GATA6: variants seen among roughly 807,000 people sequenced by gnomAD.
GATA6 encodes transcription factor GATA-6.
In GATA6, 11 loss-of-function variants were observed where a neutral mutation model predicts 48.1. The ratio of observed to expected loss-of-function variants is 0.23; its 90% CI spans 0.14 to 0.38. The LOEUF (loss-of-function observed/expected upper bound fraction) is 0.38, where lower values mean the gene tolerates loss of function less well. GATA6 is among the 10% of genes least tolerant of loss of function. The pLI, the probability that GATA6 is intolerant of heterozygous loss-of-function variation, is 1.00. For synonymous variants in GATA6, 419 were observed against 396.1 expected, an observed-to-expected ratio of 1.06 and a Z score of -0.69; for missense variants, 795 against 850.3, an observed-to-expected ratio of 0.93 and a Z score of 0.81.
At chr18:22,174,728 ATTTT>A (rs35173458) in intron 2 of GATA6, among the ~76,000 whole-genome samples, 1 of 143,284 alleles carries the variant, frequency 7.0e-6, no homozygotes, top group Admixed American at 7.0e-5. Flanking sequence ...TGTTTCTTAG[ATTTT>A]TTTTTTTTTT....
At position 22,181,557 on chromosome 18, in the gene GATA6, A is replaced by G; in HGVS notation, c.1407A>G (p.Gly469=). 6.2e-7 allele frequency: 1 copy of G among 1,614,108 alleles called. No homozygotes were observed. Among genetic ancestry groups the G allele is most frequent in the African/African-American group, 1.3e-5 (1 of 75,018 alleles). ...GTGAACCCGTGTGCAATGCTTGTGG[A>G]CTCTACATGAAACTCCATGGGGTAT... ...AEGEPVCNAC[G]LYMKLHGVPR... is the part of the protein sequence containing the mutation. The change falls in exon 4 of 7, where the codon GGA becomes GGG. Residue 469 remains glycine (G), a synonymous_variant. Transcript: ENST00000269216.
chr18:22,200,834 C>T lies in GATA6; in HGVS notation c.*11C>T. ...CTGGCCCTGGCCTGAGCCCACGCCG[C>T]CAGGAGGCAGGGAGGGCTCCGCCGC... On this transcript the variant is annotated 3_prime_UTR_variant, in exon 7 of 7. Coordinates refer to ENST00000269216, the MANE Select transcript of GATA6 (RefSeq NM_005257.6). 2 of 1,604,460 alleles carry T rather than the reference C, an allele frequency of 1.2e-6. No homozygotes were observed. The highest frequency in any genetic ancestry group is 1.7e-6 in the Non-Finnish European group (2 of 1,175,320).
intron 2 of GATA6, among the ~76,000 whole-genome samples, chr18:22,174,285 AT>A (rs1250468295): frequency 6.6e-6 from 1 of 152,144 alleles, no homozygotes; most frequent in Non-Finnish European, 1.5e-5. Context: ...CCTTAGCCTG[AT>A]CTCCAGGTTC....
intron 4 of GATA6, among the ~76,000 whole-genome samples, chr18:22,181,848 GAC>G (rs952652028): frequency 3.3e-5 from 5 of 152,112 alleles, no homozygotes; most frequent in Admixed American, 2.0e-4. Flanking sequence ...GTTCATTTAA[GAC>G]ACATTCCAGT....
In GATA6 at chr18:22,171,091, C is replaced by A. The variant is rs2033031159; in HGVS notation, c.-37-17C>A. On this transcript the variant is annotated splice_polypyrimidine_tract_variant and intron_variant, in intron 1 of 6. Coordinates refer to ENST00000269216, the MANE Select transcript of GATA6 (RefSeq NM_005257.6). The surrounding 1 kb of genome is among the most constrained non-coding windows in gnomAD (Gnocchi z 7.1). ...CGTCGATCTCCTACCATACCCGTCT[C>A]CCCCACCCCACCTCAGGAGCTAGAC... is the stretch of plus-strand genomic sequence containing the variant. 2 of 1,520,232 alleles carry A rather than the reference C, an allele frequency of 1.3e-6. No individual in the cohort carries two copies. Among genetic ancestry groups the A allele is most frequent in the South Asian group, 1.1e-5 (1 of 87,978 alleles). 94.2% of individuals were successfully genotyped at this position (1,520,232 alleles called of 1,614,324 possible). A position where few individuals can be genotyped will look rare whatever the true frequency, so the allele number is the denominator to read the frequency against.
chr18:22,176,750 A>G, intron 2 of GATA6: 1 of 573,040 alleles, frequency 1.7e-6, no homozygotes, highest in Non-Finnish European at 3.0e-6. Context: ...CCGGGTGTGC[A>G]GAAGTATTGG....
Position 22,171,066 on chromosome 18 carries a change from C to T in GATA6, c.-37-42C>T. On this transcript the variant is annotated intron_variant, in intron 1 of 6. Transcript: ENST00000269216. This position sits in a 1 kb window ranked among gnomAD's most constrained non-coding sequence, Gnocchi z 7.1. ...CGTGCAGCCTACGCTCTTGTTAACC[C>T]GTCGATCTCCTACCATACCCGTCTC... is the stretch of plus-strand genomic sequence containing the variant. 6 of 1,264,152 alleles carry T rather than the reference C, an allele frequency of 4.7e-6. No homozygotes were observed. Among genetic ancestry groups the T allele is most frequent in the Non-Finnish European group, 5.6e-6 (5 of 887,184 alleles). The allele number at this position is 1,264,152 out of a possible 1,614,324, so 78.3% of individuals were successfully genotyped here.
rs956444523 is a variant in GATA6, at chr18:22,176,917, G to A, written c.1136-38G>A. Reference sequence around the variant, plus strand: ...TGACGCGGGGAGGGACGGGTCCGGCGCGCCCACTCCCGCCCTCACGCACCG... The same window carrying A: ...TGACGCGGGGAGGGACGGGTCCGGCACGCCCACTCCCGCCCTCACGCACCG... On this transcript the variant is annotated intron_variant, in intron 2 of 6. Transcript: ENST00000269216. 15 of 1,521,542 alleles carry A rather than the reference G, an allele frequency of 9.9e-6. No individual in the cohort carries two copies. The African/African-American group carries it at 1.7e-4, about 17-fold the overall frequency. The allele number at this position is 1,521,542 out of a possible 1,614,324, so 94.3% of individuals were successfully genotyped here.
chr18:22,193,716 G>A (rs997368032), intron 6 of GATA6, among the ~76,000 whole-genome samples: 1 of 152,296 alleles, frequency 6.6e-6, no homozygotes, highest in Non-Finnish European at 1.5e-5. Context: ...TGCCTGGGGC[G>A]CAGTGTTTTC....
intron 6 of GATA6, 150 bp from the exon 7 acceptor site, chr18:22,200,491 AGGGGATAGTAACGCC>A: frequency 1.2e-6 from 1 of 836,542 alleles, no homozygotes; most frequent in South Asian, 1.4e-5. Flanking sequence ...TGCTGGGGGC[AGGGGATAGTAACGCC>A]GGCTTCATTT....
chr18:22,175,821 T>C (rs1598735601), intron 2 of GATA6, among the ~76,000 whole-genome samples: 1 of 152,216 alleles, frequency 6.6e-6, no homozygotes, highest in Admixed American at 6.5e-5. Context: ...AACTCTGAAG[T>C]GTAATGTTTA....
rs1343084427 is a variant in GATA6, at chr18:22,170,432, G to GCCAC, written c.-37-676_-37-675insCCAC. Among the ~76,000 whole-genome samples, 52 of 152,366 alleles carry GCCAC rather than the reference G, an allele frequency of 3.4e-4. No individual in the cohort carries two copies. The highest frequency in any genetic ancestry group is 7.8e-4 in the Admixed American group (12 of 15,310). On this transcript the variant is annotated intron_variant, in intron 1 of 6. Transcript: ENST00000269216. The surrounding 1 kb of genome is among the most constrained non-coding windows in gnomAD (Gnocchi z 6.7). ...AAGCTCTCCGCATTGCCTCTGCTGG[G>GCCAC]AAGGACCCAGACTGCTGCCCCCGCC...
At chr18:22,191,691 G>A (rs144217592) in intron 6 of GATA6, among the ~76,000 whole-genome samples, 12 of 152,258 alleles carry the variant, frequency 7.9e-5, no homozygotes, top group Non-Finnish European at 1.3e-4. Flanking sequence ...CCATAGACAG[G>A]TGTTGGCAAT....
rs192101980 is a variant in GATA6, at chr18:22,185,613, G to C, written c.1620+2570G>C. Among the ~76,000 whole-genome samples, 219 of 152,330 alleles carry C rather than the reference G, an allele frequency of 1.4e-3. 1 individual carries two copies. Among genetic ancestry groups the C allele is most frequent in the African/African-American group, 5.0e-3 (209 of 41,572 alleles). On this transcript the variant is annotated intron_variant, in intron 6 of 6. Coordinates refer to ENST00000269216, the MANE Select transcript of GATA6 (RefSeq NM_005257.6). This position sits in a 1 kb window ranked among gnomAD's most constrained non-coding sequence, Gnocchi z 4.3. ...CGAGGGCACACACGGCTGGTGCCTG[G>C]GCTTGCAGGGTTTTATTTCATGGAT... is the stretch of plus-strand genomic sequence containing the variant.
At position 22,185,006 on chromosome 18, in the gene GATA6, G is replaced by A. The variant is rs530679141; in HGVS notation, c.1620+1963G>A. 2.0e-5 allele frequency among the ~76,000 whole-genome samples: 3 copies of A among 152,316 alleles called. No individual in the cohort carries two copies. The highest frequency in any genetic ancestry group is 6.5e-5 in the Admixed American group (1 of 15,298). On this transcript the variant is annotated intron_variant, in intron 6 of 6. Coordinates refer to ENST00000269216, the MANE Select transcript of GATA6 (RefSeq NM_005257.6). This position sits in a 1 kb window ranked among gnomAD's most constrained non-coding sequence, Gnocchi z 4.3. ...TTGAATGATAAATTGCACTGAGGTC[G>A]ATATATACCCAACAATGGGCTTCGG...
In GATA6 at chr18:22,170,580, G is replaced by T. The variant is rs1201363903; in HGVS notation, c.-37-528G>T. ...AGGAGAACGCGGCGGTTTCGTTTTC[G>T]GGGACAGGTTGCCTTCCTTACGCGA... On this transcript the variant is annotated intron_variant, in intron 1 of 6. Transcript: ENST00000269216. The surrounding 1 kb of genome is among the most constrained non-coding windows in gnomAD (Gnocchi z 6.7). Among the ~76,000 whole-genome samples, 1 of 152,238 alleles carries T rather than the reference G, an allele frequency of 6.6e-6. No individual in the cohort carries two copies. The highest frequency in any genetic ancestry group is 1.5e-5 in the Non-Finnish European group (1 of 68,038).
chr18:22,181,920 GT>G lies in GATA6; in HGVS notation c.1428+347del, dbSNP rs533069322. On this transcript the variant is annotated intron_variant, in intron 4 of 6. Coordinates refer to ENST00000269216, the MANE Select transcript of GATA6 (RefSeq NM_005257.6). ...TAGAATTGGTAATATGGTAGTAACT[GT>G]TTTTAAAAATGCACAATTAAGGAAA... 3.8e-3 allele frequency among the ~76,000 whole-genome samples: 572 copies of G among 152,204 alleles called. 2 individuals are homozygous for G. The highest frequency in any genetic ancestry group is 0.017 in the Middle Eastern group (5 of 294).
At chr18:22,181,660 G>C in intron 4 of GATA6, 82 bp downstream of exon 4, 1 of 1,525,832 alleles carries the variant, frequency 6.6e-7, no homozygotes. Flanking sequence ...ATCAGCAAAT[G>C]AAAGATACTC....
intron 6 of GATA6, among the ~76,000 whole-genome samples, chr18:22,186,874 A>G (rs1224276542): frequency 6.6e-6 from 1 of 152,212 alleles, no homozygotes; most frequent in Non-Finnish European, 1.5e-5. Context: ...GATAAGAGTC[A>G]GCAAGTCGAT....
Sources: gnomAD v4.1 joint callset for allele counts (sites outside exome capture counted in the v4.1 genomes callset) on GRCh38, gnomAD v4.1.1 for gene constraint, Gnocchi (gnomAD v3.1) non-coding constraint, MANE v1.5 for transcripts, NCBI Gene and HGNC (gene_info 2026-07-23, HGNC 2026-07-21) for gene names.